Variants in NLGN4X observed in about 807,000 individuals in gnomAD.
The protein encoded by NLGN4X is neuroligin-4, X-linked.
In NLGN4X, 3 loss-of-function variants were observed where a neutral mutation model predicts 40.3. The observed-to-expected ratio is 0.07, with a 90% CI of 0.03 to 0.19. The LOEUF (loss-of-function observed/expected upper bound fraction) is 0.19. NLGN4X is among the 10% of genes least tolerant of loss of function. The probability of loss-of-function intolerance (pLI) is 1.00; values close to 1 mark genes in which losing one functional copy is unlikely to be tolerated. For synonymous variants in NLGN4X, 270 were observed against 306.8 expected (o/e 0.88, Z 1.25); for missense variants, 382 against 708.3 (o/e 0.54, Z 5.23).
chrX:6,071,042 C>G (rs971922879), intron 2 of NLGN4X, among the ~76,000 whole-genome samples: 1 of 111,502 alleles, frequency 9.0e-6, no homozygotes, highest in South Asian at 3.8e-4. Flanking sequence ...GGTGAGCGGA[C>G]TGCTTGAGCC....
chrX:6,194,931 A>AGCTACCTCCTCATCCAC (rs1922904468), intron 1 of NLGN4X, among the ~76,000 whole-genome samples: 1 of 111,680 alleles, frequency 9.0e-6, no homozygotes, highest in South Asian at 3.8e-4. Flanking sequence ...CAAGATATCA[A>AGCTACCTCCTCATCCAC]GCTACCTCCT....
chrX:5,967,902 C>T (rs921798633), intron 3 of NLGN4X, among the ~76,000 whole-genome samples: 45 of 111,255 alleles, frequency 4.0e-4, no homozygotes, highest in African/African-American at 1.5e-3. Context: ...GACTATAAAC[C>T]TTCTTCTCTT....
intron 2 of NLGN4X, among the ~76,000 whole-genome samples, chrX:6,056,192 C>T (rs1234563136): frequency 2.7e-5 from 3 of 111,846 alleles, no homozygotes; most frequent in Non-Finnish European, 5.6e-5. Flanking sequence ...AAAACAAAAA[C>T]AGGCCAGGGG....
chrX:6,034,471 G>C (rs1458514861), intron 2 of NLGN4X, among the ~76,000 whole-genome samples: 1 of 111,879 alleles, frequency 8.9e-6, no homozygotes, highest in Admixed American at 9.5e-5. Flanking sequence ...TTTTTGCATG[G>C]ATATATGTTT....
chrX:6,210,413 G>A (rs979996271), intron 1 of NLGN4X, among the ~76,000 whole-genome samples: 10 of 110,862 alleles, frequency 9.0e-5, no homozygotes, highest in Admixed American at 1.9e-4. Flanking sequence ...GTTCAAGACC[G>A]CATCGAGCTA....
chrX:5,903,134 T>C lies in NLGN4X; in HGVS notation c.1544A>G (p.Asn515Ser), dbSNP rs138545443. The C allele has an allele frequency of 9.8e-5, 119 of 1,210,525 alleles. No homozygotes were observed. The highest frequency in any genetic ancestry group is 4.2e-5 in the Non-Finnish European group (38 of 895,357). The change falls in exon 5 of 6, where the codon AAC becomes AGC. Residue 515 changes from asparagine to serine, a missense_variant. Around this residue, in one of 5 missense-constraint regions of NLGN4X, gnomAD observed 149 missense variants for 375.8 expected, o/e 0.40. Coordinates refer to ENST00000381095, the MANE Select transcript of NLGN4X (RefSeq NM_181332.3). ...TELFSCNFSK[N>S]DVMLSAVVMT... ...GACCACGGCGCTGAGCATGACGTCG[T>C]TCTTGGAAAAGTTACAACTGAAGAG... is the stretch of plus-strand genomic sequence containing the variant.
chrX:6,013,610 G>A, intron 3 of NLGN4X, among the ~76,000 whole-genome samples: 1 of 111,066 alleles, frequency 9.0e-6, no homozygotes. Context: ...TATAATCCCA[G>A]CATTTTGGGA....
chrX:5,985,172 G>C (rs1048796670), intron 3 of NLGN4X, among the ~76,000 whole-genome samples: 1 of 111,648 alleles, frequency 9.0e-6, no homozygotes, highest in African/African-American at 3.2e-5. Flanking sequence ...TAATTTCTAG[G>C]GTTATTTACT....
At chrX:6,211,928 GA>G (rs908504750) in intron 1 of NLGN4X, among the ~76,000 whole-genome samples, 2 of 109,622 alleles carry the variant, frequency 1.8e-5, no homozygotes, top group Non-Finnish European at 3.8e-5. Flanking sequence ...TTCACCATAA[GA>G]AAAAAAAACA....
At chrX:6,196,459 G>A (rs1382011201) in intron 1 of NLGN4X, among the ~76,000 whole-genome samples, 12 of 104,890 alleles carry the variant, frequency 1.1e-4, no homozygotes, top group Admixed American at 3.1e-4. Context: ...GGCTGAGGCA[G>A]GAGAATGGCG....
Position 6,228,571 on chromosome X carries a change from A to G in NLGN4X, c.-336T>C, listed in dbSNP as rs1395865439. The G allele has an allele frequency of 1.8e-5, 2 of 111,213 alleles. No homozygotes were observed. The highest frequency in any genetic ancestry group is 6.6e-5 in the African/African-American group (2 of 30,483). The allele number at this position is 111,213 out of a possible 1,213,427, so 9.2% of individuals were successfully genotyped here. A position where few individuals can be genotyped will look rare whatever the true frequency, so the allele number is the denominator to read the frequency against. ...CTTTGGAAGAGCTGCATCGGCCGTT[A>G]AGAGTTCTTTTTACACGTCCAGATT... On this transcript the variant is annotated 5_prime_UTR_variant, in exon 1 of 6. Transcript: ENST00000381095.
At chrX:6,125,421 A>T (rs1375490016) in intron 2 of NLGN4X, among the ~76,000 whole-genome samples, 2 of 48,815 alleles carry the variant, frequency 4.1e-5, no homozygotes, top group African/African-American at 1.8e-4. Flanking sequence ...ATATACAACA[A>T]ATAATGAAAC....
chrX:6,154,879 G>A (rs2040232079), intron 1 of NLGN4X, among the ~76,000 whole-genome samples: 1 of 111,523 alleles, frequency 9.0e-6, no homozygotes. Flanking sequence ...TTGCAATTAA[G>A]GTGAGGCTCA....
intron 2 of NLGN4X, among the ~76,000 whole-genome samples, chrX:6,100,132 G>A (rs959665254): frequency 1.8e-5 from 2 of 112,842 alleles, no homozygotes; most frequent in African/African-American, 6.4e-5. Context: ...GTTATCTGCA[G>A]CAGGAGCATG....
At chrX:5,925,875 TACAC>T (rs201741503) in intron 3 of NLGN4X, among the ~76,000 whole-genome samples, 23 of 14,657 alleles carry the variant, frequency 1.6e-3, no homozygotes, top group Non-Finnish European at 1.9e-3. Flanking sequence ...TATATATACA[TACAC>T]ACATATATAT....
At chrX:5,898,126 CTCTT>C (rs1309007774) in intron 5 of NLGN4X, among the ~76,000 whole-genome samples, 1 of 40,920 alleles carries the variant, frequency 2.4e-5, no homozygotes, top group Non-Finnish European at 4.2e-5. Context: ...CCTCTTTTCT[CTCTT>C]TCCTTTCCTT....
At chrX:5,966,444 A>T (rs1402737477) in intron 3 of NLGN4X, among the ~76,000 whole-genome samples, 1 of 112,526 alleles carries the variant, frequency 8.9e-6, no homozygotes, top group Non-Finnish European at 1.9e-5. Context: ...TGTGTCTCAC[A>T]GGACATGAGA....
At chrX:5,949,153 C>T (rs2034224557) in intron 3 of NLGN4X, among the ~76,000 whole-genome samples, 1 of 111,972 alleles carries the variant, frequency 8.9e-6, no homozygotes, top group African/African-American at 3.2e-5. Flanking sequence ...TTCAAGAAGA[C>T]AGTCACTGAG....
intron 1 of NLGN4X, among the ~76,000 whole-genome samples, chrX:6,212,201 C>T (rs756451407): frequency 1.2e-4 from 13 of 106,644 alleles, no homozygotes; most frequent in East Asian, 3.0e-4. Flanking sequence ...GCCAAGGTCG[C>T]GCCACTGCAC....
Sources: gnomAD v4.1 joint callset for allele counts (sites outside exome capture counted in the v4.1 genomes callset) on GRCh38, gnomAD v4.1.1 for gene constraint, gnomAD v4.1.1 regional missense constraint, MANE v1.5 for transcripts, NCBI Gene and HGNC (gene_info 2026-07-23, HGNC 2026-07-21) for gene names.